The following LEUTX variants were observed in gnomAD, a reference collection of about 807,000 sequenced individuals.
The protein encoded by LEUTX is paired-like homeodomain transcription factor LEUTX.
LEUTX carries 5 observed loss-of-function variants against 4.5 expected under a neutral mutation model. The ratio of observed to expected loss-of-function variants is 1.11; its 90% CI spans 0.58 to 2.34. The LOEUF is 2.34. LEUTX is among the 30% of genes most tolerant of loss of function. The pLI, the probability that LEUTX is intolerant of heterozygous loss-of-function variation, is 0.01. For missense variants in LEUTX, 233 were observed against 239.4 expected, an observed-to-expected ratio of 0.97 and a Z score of 0.18; for synonymous variants, 89 against 85.1, an observed-to-expected ratio of 1.05 and a Z score of -0.25.
chr19:39,780,536 T>C (rs73546626), intron 1 of LEUTX, among the ~76,000 whole-genome samples: 2,696 of 152,312 alleles, frequency 0.018, 81 homozygotes, highest in African/African-American at 0.059. Flanking sequence ...TTCATGATAC[T>C]CTCTGAAACA....
At chr19:39,781,964 C>A (rs1351467853) in intron 1 of LEUTX, among the ~76,000 whole-genome samples, 2 of 152,022 alleles carry the variant, frequency 1.3e-5, no homozygotes, top group Non-Finnish European at 1.5e-5. Flanking sequence ...ACTGATGCTG[C>A]CAAAGTCACA....
chr19:39,779,768 C>G (rs28639853), intron 1 of LEUTX, among the ~76,000 whole-genome samples: 7,172 of 152,238 alleles, frequency 0.047, 604 homozygotes, highest in African/African-American at 0.16. Context: ...AATTCCAACA[C>G]TTTCAGATGC....
chr19:39,783,246 TTA>T (rs991560798), intron 1 of LEUTX, among the ~76,000 whole-genome samples: 2 of 146,656 alleles, frequency 1.4e-5, no homozygotes, highest in African/African-American at 2.5e-5. Context: ...ATCATATAAT[TTA>T]TATATATATA....
chr19:39,781,231 C>T (rs180914636), intron 1 of LEUTX, among the ~76,000 whole-genome samples: 36 of 152,190 alleles, frequency 2.4e-4, no homozygotes, highest in Admixed American at 1.2e-3. Flanking sequence ...CCCATGTGCC[C>T]GATCACTTGT....
intron 1 of LEUTX, among the ~76,000 whole-genome samples, chr19:39,780,674 G>C (rs1045699074): frequency 2.6e-5 from 4 of 151,608 alleles, no homozygotes; most frequent in African/African-American, 9.7e-5. Flanking sequence ...TCTACTTCCT[G>C]GAATAGCTTT....
chr19:39,782,126 C>G (rs147068042), intron 1 of LEUTX, among the ~76,000 whole-genome samples: 1 of 152,212 alleles, frequency 6.6e-6, no homozygotes, highest in East Asian at 1.9e-4. Flanking sequence ...AGTCTATGAC[C>G]GGTTAGGATA....
chr19:39,778,711 A>G (rs560586426), upstream of LEUTX, among the ~76,000 whole-genome samples: 4 of 142,538 alleles, frequency 2.8e-5, no homozygotes, highest in Non-Finnish European at 6.0e-5. Flanking sequence ...CCAGTGCCCT[A>G]CACAGCATCA....
At chr19:39,777,600 C>T (rs189299842), upstream of LEUTX, among the ~76,000 whole-genome samples, 14 of 152,250 alleles carry the variant, frequency 9.2e-5, no homozygotes, top group East Asian at 2.7e-3. Flanking sequence ...TTATCCTTTC[C>T]GATAGGATTT....
At chr19:39,781,299 G>A (rs1220710224) in intron 1 of LEUTX, among the ~76,000 whole-genome samples, 2 of 152,166 alleles carry the variant, frequency 1.3e-5, no homozygotes, top group East Asian at 3.8e-4. Context: ...GTATTTGCAT[G>A]AGGAATAAGA....
chr19:39,779,113 T>C (rs1401314575), intron 1 of LEUTX, among the ~76,000 whole-genome samples, 186 bp downstream of exon 1: 2 of 152,136 alleles, frequency 1.3e-5, no homozygotes, highest in Admixed American at 6.5e-5. Context: ...TAGGAATTTG[T>C]TTCTCCACAT....
At chr19:39,780,906 G>A (rs185067545) in intron 1 of LEUTX, among the ~76,000 whole-genome samples, 37 of 151,540 alleles carry the variant, frequency 2.4e-4, no homozygotes, top group African/African-American at 7.3e-4. Context: ...GTTTCACCAT[G>A]TTGGCCAGGC....
chr19:39,782,888 T>G (rs1322447778), intron 1 of LEUTX, among the ~76,000 whole-genome samples: 1 of 152,178 alleles, frequency 6.6e-6, no homozygotes, highest in African/African-American at 2.4e-5. Context: ...AATTTTTTTT[T>G]GTATTTTCGT....
chr19:39,779,768 C>T (rs28639853), intron 1 of LEUTX, among the ~76,000 whole-genome samples: 1 of 152,130 alleles, frequency 6.6e-6, no homozygotes, highest in Non-Finnish European at 1.5e-5. Flanking sequence ...AATTCCAACA[C>T]TTTCAGATGC....
intron 1 of LEUTX, among the ~76,000 whole-genome samples, chr19:39,783,400 C>CA (rs1967917282): frequency 6.7e-6 from 1 of 148,926 alleles, no homozygotes; most frequent in Non-Finnish European, 1.5e-5. Context: ...CTTATCCACT[C>CA]AATTGATGGA....
At chr19:39,776,680 G>A (rs188821443), upstream of LEUTX, 5 of 455,808 alleles carry the variant, frequency 1.1e-5, no homozygotes, top group Admixed American at 9.4e-5. Context: ...CTCAAGGTGA[G>A]GCGATTTTTT....
At chr19:39,782,355 A>G (rs58527131) in intron 1 of LEUTX, among the ~76,000 whole-genome samples, 2,708 of 152,216 alleles carry the variant, frequency 0.018, 81 homozygotes, top group African/African-American at 0.06. Flanking sequence ...AATAAGTCTC[A>G]TAAGATCTGA....
chr19:39,783,864 C>T (rs888363036), intron 1 of LEUTX, among the ~76,000 whole-genome samples: 1 of 151,928 alleles, frequency 6.6e-6, no homozygotes, highest in Non-Finnish European at 1.5e-5. Context: ...TGTTTGAGTT[C>T]GTTGCAGATT....
intron 1 of LEUTX, among the ~76,000 whole-genome samples, chr19:39,783,510 T>C (rs902818552): frequency 6.6e-6 from 1 of 151,744 alleles, no homozygotes; most frequent in Non-Finnish European, 1.5e-5. Context: ...TTCCTCTGGG[T>C]AGATAGCCAG....
At chr19:39,779,489 T>C (rs547667357) in intron 1 of LEUTX, among the ~76,000 whole-genome samples, 1 of 152,348 alleles carries the variant, frequency 6.6e-6, no homozygotes, top group East Asian at 1.9e-4. Flanking sequence ...TATATTTATA[T>C]CATTTCCCAG....
Sources: gnomAD v4.1 joint callset for allele counts (sites outside exome capture counted in the v4.1 genomes callset) on GRCh38, gnomAD v4.1.1 for gene constraint, MANE v1.5 for transcripts, NCBI Gene and HGNC (gene_info 2026-07-23, HGNC 2026-07-21) for gene names.